Variants in ITGA1 observed in about 807,000 individuals in gnomAD.
ITGA1 encodes integrin alpha-1.
In ITGA1, 85 loss-of-function variants were observed where a neutral mutation model predicts 145.9. The observed-to-expected ratio is 0.58, with a 90% CI of 0.49 to 0.70. The LOEUF (loss-of-function observed/expected upper bound fraction) is 0.70, where lower values mean the gene tolerates loss of function less well. ITGA1 is among the 30% of genes least tolerant of loss of function. The pLI is 0.00. For missense variants in ITGA1, 1,351 were observed against 1,418.7 expected, an observed-to-expected ratio of 0.95 and a Z score of 0.77; for synonymous variants, 520 against 495.3, an observed-to-expected ratio of 1.05 and a Z score of -0.66.
intron 2 of ITGA1, among the ~76,000 whole-genome samples, chr5:52,860,322 C>T (rs1430051093): frequency 2.0e-5 from 3 of 151,996 alleles, no homozygotes; most frequent in East Asian, 1.9e-4. Context: ...CCAAGGTGGG[C>T]GGATCACGTG....
intron 1 of ITGA1, among the ~76,000 whole-genome samples, chr5:52,806,711 T>C (rs1415989854): frequency 6.6e-6 from 1 of 152,120 alleles, no homozygotes; most frequent in East Asian, 1.9e-4. Flanking sequence ...GTATTTAATA[T>C]CTCTATTTTC....
intron 1 of ITGA1, among the ~76,000 whole-genome samples, chr5:52,815,500 G>A (rs776304223): frequency 6.6e-6 from 1 of 152,182 alleles, no homozygotes; most frequent in Non-Finnish European, 1.5e-5. Context: ...ACTGGCTTGG[G>A]CAGGAGAGAT....
At chr5:52,874,045 C>A (rs1436320210) in intron 6 of ITGA1, among the ~76,000 whole-genome samples, 1 of 151,578 alleles carries the variant, frequency 6.6e-6, no homozygotes, top group Non-Finnish European at 1.5e-5. Flanking sequence ...TAACAAAATA[C>A]CCAAGACTAG....
intron 18 of ITGA1, 101 bp from the exon 19 acceptor site, chr5:52,925,177 A>T: frequency 1.2e-6 from 1 of 808,548 alleles, no homozygotes; most frequent in Non-Finnish European, 2.1e-6. Flanking sequence ...GAGTTGCTTA[A>T]CTTACTTTGG....
intron 28 of ITGA1, among the ~76,000 whole-genome samples, chr5:52,950,565 A>G (rs1013922732): frequency 5.3e-5 from 8 of 152,200 alleles, no homozygotes; most frequent in Admixed American, 1.3e-4. Flanking sequence ...TTGGGGCTGA[A>G]AACAAACTCT....
chr5:52,931,910 TA>T lies in ITGA1; in HGVS notation c.2772-130del, dbSNP rs796675240. 144 of 552,122 alleles carry T rather than the reference TA, an allele frequency of 2.6e-4. 1 individual carries two copies. The East Asian group carries it at 4.2e-3, about 16-fold the overall frequency. The allele number at this position is 552,122 out of a possible 1,614,324, so 34.2% of individuals were successfully genotyped here. A position where few individuals can be genotyped will look rare whatever the true frequency, so the allele number is the denominator to read the frequency against. On this transcript the variant is annotated intron_variant, in intron 21 of 28. Transcript: ENST00000282588. ...CTCTGATCTCCTTCTTCACCCCAAT[TA>T]AAAAAATGATTAAAAATTATACTCT... is the stretch of plus-strand genomic sequence containing the variant.
At chr5:52,905,134 C>G (rs1172979203) in intron 11 of ITGA1, 1 of 152,154 alleles carries the variant, frequency 6.6e-6, no homozygotes, top group Non-Finnish European at 1.5e-5. Context: ...ATCCAGTGAT[C>G]TATTCCTTGA....
chr5:52,924,126 T>G (rs1750768692), intron 18 of ITGA1, among the ~76,000 whole-genome samples: 1 of 152,136 alleles, frequency 6.6e-6, no homozygotes, highest in Non-Finnish European at 1.5e-5. Context: ...GAATTCTTTT[T>G]CCCCATACAC....
chr5:52,849,591 T>A, intron 2 of ITGA1, 106 bp downstream of exon 2: 1 of 1,044,078 alleles, frequency 9.6e-7, no homozygotes, highest in Non-Finnish European at 1.3e-6. Context: ...CAGAATGAAT[T>A]ATTTATGGTA....
intron 8 of ITGA1, among the ~76,000 whole-genome samples, chr5:52,890,348 A>G (rs1179840081): frequency 6.6e-6 from 1 of 152,214 alleles, no homozygotes; most frequent in Admixed American, 6.5e-5. Flanking sequence ...TTTAAAACTT[A>G]ATACTATATT....
intron 16 of ITGA1, among the ~76,000 whole-genome samples, chr5:52,919,357 T>C (rs1750698939): frequency 6.6e-6 from 1 of 152,150 alleles, no homozygotes; most frequent in African/African-American, 2.4e-5. Flanking sequence ...CCGAGATCCT[T>C]TGTTCCATTG....
chr5:52,920,542 T>G, intron 17 of ITGA1, 74 bp downstream of exon 17: 1 of 1,185,744 alleles, frequency 8.4e-7, no homozygotes, highest in Non-Finnish European at 1.1e-6. Context: ...TTCAAGTCAA[T>G]CAAATTCTTA....
chr5:52,913,359 T>A (rs1750597229), intron 14 of ITGA1, among the ~76,000 whole-genome samples: 1 of 152,218 alleles, frequency 6.6e-6, no homozygotes, highest in Non-Finnish European at 1.5e-5. Flanking sequence ...TGATATATTT[T>A]CGTCAAGTGA....
chr5:52,912,485 T>C lies in ITGA1; in HGVS notation c.1857+2066T>C, dbSNP rs187428870. Among the ~76,000 whole-genome samples the C allele has an allele frequency of 2.2e-3, 276 of 124,660 alleles. 2 individuals are homozygous for C. The highest frequency in any genetic ancestry group is 8.5e-3 in the African/African-American group (260 of 30,602). 81.8% of individuals were successfully genotyped at this position (124,660 alleles called of 152,430 possible). A position where few individuals can be genotyped will look rare whatever the true frequency, so the allele number is the denominator to read the frequency against. The stretch of plus-strand genomic sequence containing the variant: ...TTATATATAGTGTATCCAGTATATG[T>C]ATTATATATAGTGTATCCACTATAG... On this transcript the variant is annotated intron_variant, in intron 14 of 28. Coordinates refer to ENST00000282588, the MANE Select transcript of ITGA1 (RefSeq NM_181501.2).
At chr5:52,802,360 G>T (rs559395464) in intron 1 of ITGA1, 1 of 152,100 alleles carries the variant, frequency 6.6e-6, no homozygotes, top group Admixed American at 6.5e-5. Flanking sequence ...AATGATTGCC[G>T]TACAATTAGT....
chr5:52,788,735 A>C (rs77854623), intron 1 of ITGA1, among the ~76,000 whole-genome samples: 2 of 152,154 alleles, frequency 1.3e-5, no homozygotes, highest in African/African-American at 4.8e-5. Flanking sequence ...ACTTTGCTGA[A>C]TATTTCCTCC....
At position 52,825,661 on chromosome 5, in the gene ITGA1, C is replaced by T. The variant is rs575141189; in HGVS notation, c.62-23704C>T. Among the ~76,000 whole-genome samples the T allele has an allele frequency of 7.2e-5, 11 of 151,990 alleles. No individual in the cohort carries two copies. In the East Asian group the frequency reaches 1.2e-3, roughly 16 times the overall value. On this transcript the variant is annotated intron_variant, in intron 1 of 28. Transcript: ENST00000282588. ...TAGGCAGGGCACAGTGGCTCATGCC[C>T]GTAATCCCAGCACTTTGGAAGGCCA...
chr5:52,940,613 T>G (rs892690766), intron 26 of ITGA1, among the ~76,000 whole-genome samples: 1 of 152,066 alleles, frequency 6.6e-6, no homozygotes, highest in African/African-American at 2.4e-5. Flanking sequence ...TGAAGACATT[T>G]TTAACCCCTT....
intron 14 of ITGA1, among the ~76,000 whole-genome samples, chr5:52,911,632 C>CTG (rs1554046428): frequency 1.7e-5 from 1 of 60,392 alleles, no homozygotes; most frequent in South Asian, 3.9e-4. Flanking sequence ...ACTATATATA[C>CTG]TATATATAGT....
Sources: allele counts gnomAD v4.1 joint callset (sites outside exome capture counted in the v4.1 genomes callset), GRCh38; gene constraint gnomAD v4.1.1; transcripts MANE v1.5; gene names NCBI Gene and HGNC (gene_info 2026-07-23, HGNC 2026-07-21).